Variants in KBTBD12 observed in about 807,000 individuals in gnomAD.
KBTBD12 encodes the protein kelch repeat and BTB domain containing 12, also known as kelch repeat and BTB domain-containing protein 12.
Under a neutral mutation model 58.7 loss-of-function variants are expected in KBTBD12, and 53 were observed. That is an observed-to-expected ratio of 0.90 (90% confidence interval 0.72 to 1.14). The LOEUF is 1.14. Among genes scored for constraint, KBTBD12 ranks in the 50% most tolerant of loss-of-function variants. The pLI is 0.00. For missense variants in KBTBD12, 704 were observed against 751.3 expected (o/e 0.94, Z 0.74); for synonymous variants, 236 against 259.8 (o/e 0.91, Z 0.88).
At chr3:127,972,726 G>A (rs1940707358) in intron 5 of KBTBD12, among the ~76,000 whole-genome samples, 2 of 152,182 alleles carry the variant, frequency 1.3e-5, no homozygotes, top group Non-Finnish European at 1.5e-5. Context: ...AGACTTAAGG[G>A]AGTCATGAAA....
chr3:127,923,109 T>C lies in KBTBD12; in HGVS notation c.48T>C (p.Asn16=). The C allele has an allele frequency of 6.2e-7, 1 of 1,611,970 alleles. No individual in the cohort carries two copies. Among genetic ancestry groups the C allele is most frequent in the Non-Finnish European group, 8.5e-7 (1 of 1,178,264 alleles). ...AAGAAAAATACCAACATAGCTTGAA[T>C]TTACTGAATAAAATTCAGAACATGA... ...EGKEKYQHSL[N]LLNKIQNMKE... is the part of the protein sequence containing the mutation. The change falls in exon 2 of 6, where the codon AAT becomes AAC. Residue 16 remains asparagine (N), a synonymous_variant. Coordinates refer to ENST00000405109, the MANE Select transcript of KBTBD12 (RefSeq NM_207335.4).
At chr3:127,955,249 G>A (rs1419081029) in intron 4 of KBTBD12, among the ~76,000 whole-genome samples, 1 of 152,110 alleles carries the variant, frequency 6.6e-6, no homozygotes, top group African/African-American at 2.4e-5. Flanking sequence ...TTCCCACATA[G>A]CTAATGTCCC....
chr3:127,964,944 TA>T (rs1456858587), intron 5 of KBTBD12, among the ~76,000 whole-genome samples: 13 of 152,178 alleles, frequency 8.5e-5, no homozygotes, highest in African/African-American at 3.1e-4. Flanking sequence ...GGAATCCTAA[TA>T]GGGGCCCCTT....
At chr3:127,974,186 T>TA (rs1940735158) in intron 5 of KBTBD12, among the ~76,000 whole-genome samples, 1 of 152,228 alleles carries the variant, frequency 6.6e-6, no homozygotes, top group South Asian at 2.1e-4. Flanking sequence ...TCAGCAAACC[T>TA]AAGCTAAGAA....
chr3:127,947,705 T>C (rs570201586), intron 4 of KBTBD12, among the ~76,000 whole-genome samples: 18 of 152,348 alleles, frequency 1.2e-4, no homozygotes, highest in Admixed American at 9.1e-4. Flanking sequence ...GGTTCCTCTG[T>C]GCAGATCCTC....
At chr3:127,935,919 C>A (rs1375293190) in intron 4 of KBTBD12, among the ~76,000 whole-genome samples, 1 of 152,102 alleles carries the variant, frequency 6.6e-6, no homozygotes, top group Non-Finnish European at 1.5e-5. Flanking sequence ...AAGAGAGGTG[C>A]AGTGACTATA....
intron 4 of KBTBD12, among the ~76,000 whole-genome samples, chr3:127,943,235 GTTCTAT>G (rs1177834970): frequency 6.6e-6 from 1 of 152,142 alleles, no homozygotes; most frequent in African/African-American, 2.4e-5. Context: ...TCACATAGTA[GTTCTAT>G]TTCTGTTTTT....
chr3:127,924,507 C>G (rs1402886337), intron 2 of KBTBD12, among the ~76,000 whole-genome samples: 1 of 151,460 alleles, frequency 6.6e-6, no homozygotes, highest in East Asian at 1.9e-4. Flanking sequence ...TTGTTATGAT[C>G]CCATTTTAGT....
chr3:127,953,109 A>G (rs1374234307), intron 4 of KBTBD12, among the ~76,000 whole-genome samples: 1 of 152,258 alleles, frequency 6.6e-6, no homozygotes, highest in Non-Finnish European at 1.5e-5. Flanking sequence ...AGAGAGTATT[A>G]TGCCAAATGC....
intron 5 of KBTBD12, among the ~76,000 whole-genome samples, chr3:127,963,926 C>A (rs910648974): frequency 2.0e-5 from 3 of 152,146 alleles, no homozygotes; most frequent in African/African-American, 7.2e-5. Flanking sequence ...CCCATGACTA[C>A]CACTTGAAAT....
At chr3:127,941,514 G>A (rs777148831) in intron 4 of KBTBD12, among the ~76,000 whole-genome samples, 1 of 152,248 alleles carries the variant, frequency 6.6e-6, no homozygotes. Context: ...AAGAAGATAC[G>A]AGAATTTCCT....
At chr3:127,917,884 A>G (rs948030260) in intron 1 of KBTBD12, among the ~76,000 whole-genome samples, 3 of 152,244 alleles carry the variant, frequency 2.0e-5, no homozygotes, top group African/African-American at 7.2e-5. Flanking sequence ...CGTATTGAGC[A>G]ACTCCTGTGT....
intron 4 of KBTBD12, among the ~76,000 whole-genome samples, chr3:127,962,263 A>T (rs1362025279): frequency 6.6e-6 from 1 of 152,184 alleles, no homozygotes; most frequent in Non-Finnish European, 1.5e-5. Flanking sequence ...GACCTTGATG[A>T]CCTTCCAGTG....
At chr3:127,930,528 A>T (rs1939677474) in intron 4 of KBTBD12, among the ~76,000 whole-genome samples, 1 of 152,222 alleles carries the variant, frequency 6.6e-6, no homozygotes, top group Non-Finnish European at 1.5e-5. Context: ...ATGTAAAAAC[A>T]ATAATGATAC....
At chr3:127,956,632 A>G (rs571837483) in intron 4 of KBTBD12, among the ~76,000 whole-genome samples, 1 of 152,370 alleles carries the variant, frequency 6.6e-6, no homozygotes, top group East Asian at 1.9e-4. Context: ...CCCACAGGAC[A>G]GTACTCATGT....
At chr3:127,968,175 C>T (rs1289274987) in intron 5 of KBTBD12, among the ~76,000 whole-genome samples, 2 of 152,206 alleles carry the variant, frequency 1.3e-5, no homozygotes, top group African/African-American at 2.4e-5. Context: ...TCATCTCTGA[C>T]CCAGAAGTCT....
intron 5 of KBTBD12, among the ~76,000 whole-genome samples, chr3:127,977,480 C>A (rs879405659): frequency 6.6e-6 from 1 of 152,236 alleles, no homozygotes; most frequent in South Asian, 2.1e-4. Context: ...TTTTTCTCTG[C>A]AACCTTGCCA....
chr3:127,940,371 A>T (rs1310896681), intron 4 of KBTBD12, among the ~76,000 whole-genome samples: 1 of 152,178 alleles, frequency 6.6e-6, no homozygotes, highest in Admixed American at 6.5e-5. Context: ...AATTTAAGGA[A>T]GTAAAATCAT....
At chr3:127,922,870 T>A (rs1939451921) in intron 1 of KBTBD12, 80 bp from the exon 2 acceptor site, 5 of 488,990 alleles carry the variant, frequency 1.0e-5, no homozygotes, top group Non-Finnish European at 1.8e-5. Context: ...TTATAAATAC[T>A]TTTTTTAGAA....
Sources: allele counts gnomAD v4.1 joint callset (sites outside exome capture counted in the v4.1 genomes callset), GRCh38; gene constraint gnomAD v4.1.1; transcripts MANE v1.5; gene names NCBI Gene and HGNC (gene_info 2026-07-23, HGNC 2026-07-21).